The following STK3 variants were observed in gnomAD, a reference collection of about 807,000 sequenced individuals.
STK3 encodes serine/threonine-protein kinase 3.
STK3 carries 41 observed loss-of-function variants against 58.0 expected under a neutral mutation model. The ratio of observed to expected loss-of-function variants is 0.71; its 90% confidence interval spans 0.55 to 0.92. The LOEUF (loss-of-function observed/expected upper bound fraction) is 0.92. STK3 is among the 40% of genes least tolerant of loss of function. STK3 has a pLI of 0.00. For missense variants in STK3, 479 were observed against 602.7 expected, an observed-to-expected ratio of 0.79 and a Z score of 2.15; for synonymous variants, 170 against 191.0, an observed-to-expected ratio of 0.89 and a Z score of 0.91.
chr8:98,903,487 GTTCTTC>G lies in STK3; in HGVS notation c.-78-19659_-78-19654del, dbSNP rs71572029. Among the ~76,000 whole-genome samples the G allele has an allele frequency of 9.4e-3, 1,320 of 139,708 alleles. 21 individuals are homozygous for G. The highest frequency in any genetic ancestry group is 0.015 in the Non-Finnish European group (957 of 64,232). 91.7% of individuals were successfully genotyped at this position (139,708 alleles called of 152,430 possible). Reference sequence around the variant, plus strand: ...TTATATTTCCACTTCAATTTAGGAAGTTCTTCTTCTTCTTCTTCTTCTTCTTCTTCT... The same window carrying G: ...TTATATTTCCACTTCAATTTAGGAAGTTCTTCTTCTTCTTCTTCTTCTTCT... On this transcript the variant is annotated intron_variant, in intron 1 of 1. Coordinates refer to the STK3 transcript ENST00000519420.
intron 2 of STK3, among the ~76,000 whole-genome samples, chr8:98,770,291 G>C (rs537350325): frequency 6.6e-6 from 1 of 152,102 alleles, no homozygotes; most frequent in Non-Finnish European, 1.5e-5. Context: ...AACTCCCATA[G>C]ACACCAGGGA....
chr8:98,829,038 C>T (rs549286415), upstream of STK3, among the ~76,000 whole-genome samples: 36 of 152,304 alleles, frequency 2.4e-4, no homozygotes, highest in Middle Eastern at 6.8e-3. Context: ...ATATGTATGG[C>T]TGACATCAGA....
In STK3 at chr8:98,707,351, C is replaced by T. The variant is rs546037675; in HGVS notation, c.352-40G>A. The T allele has an allele frequency of 4.0e-5, 56 of 1,404,112 alleles. 1 individual carries two copies. The South Asian group carries it at 4.2e-4, about 11-fold the overall frequency. 87.0% of individuals were successfully genotyped at this position (1,404,112 alleles called of 1,614,324 possible). A position where few individuals can be genotyped will look rare whatever the true frequency, so the allele number is the denominator to read the frequency against. ...TTTTAAAACCATAATTAAAATGCCA[C>T]GTTAGATAAAATCTTACGAAAGAGC... On this transcript the variant is annotated intron_variant, in intron 4 of 10. Transcript: ENST00000419617.
intron 3 of STK3, chr8:98,429,970 CA>C (rs1364634582): frequency 1.2e-5 from 2 of 167,402 alleles, no homozygotes; most frequent in Non-Finnish European, 2.9e-5. Context: ...CAGACTTGAC[CA>C]ATGCAAGTCT....
intron 1 of STK3, among the ~76,000 whole-genome samples, chr8:98,386,806 C>A (rs1817796149): frequency 6.6e-6 from 1 of 152,010 alleles, no homozygotes; most frequent in African/African-American, 2.4e-5. Context: ...ATGGTGAAAC[C>A]CCGTCTCTAC....
chr8:98,624,359 G>A (rs533611062), intron 6 of STK3, among the ~76,000 whole-genome samples: 1 of 152,246 alleles, frequency 6.6e-6, no homozygotes, highest in African/African-American at 2.4e-5. Context: ...TTATAATAAT[G>A]ATAGTTACAT....
chr8:98,862,440 G>A lies in STK3; in HGVS notation c.110+21207C>T, dbSNP rs1014375323. On this transcript the variant is annotated intron_variant, in intron 3 of 12. Transcript: ENST00000523601. ...AATCAATGCACAGTATATCCAACAC[G>A]GGAAAACATTTTTTACACTGCCTGA... Among the ~76,000 whole-genome samples, 12 of 152,260 alleles carry A rather than the reference G, an allele frequency of 7.9e-5. 1 individual carries two copies. The highest frequency in any genetic ancestry group is 2.4e-4 in the African/African-American group (10 of 41,550).
At chr8:98,369,763 G>C (rs113783623), downstream of STK3, among the ~76,000 whole-genome samples, 1 of 152,134 alleles carries the variant, frequency 6.6e-6, no homozygotes, top group African/African-American at 2.4e-5. Flanking sequence ...CCAAAATTTT[G>C]TTCAAATGTT....
chr8:98,487,012 T>C (rs557063423), intron 10 of STK3, among the ~76,000 whole-genome samples: 2 of 152,366 alleles, frequency 1.3e-5, no homozygotes, highest in Admixed American at 6.5e-5. Context: ...GATAAAACTA[T>C]GATTGCAAAA....
intron 3 of STK3, among the ~76,000 whole-genome samples, chr8:98,870,884 T>C (rs1406515480): frequency 6.6e-6 from 1 of 152,250 alleles, no homozygotes; most frequent in African/African-American, 2.4e-5. Flanking sequence ...TCGTTGCCAT[T>C]GCTTTTGATG....
intron 1 of STK3, among the ~76,000 whole-genome samples, chr8:98,387,718 G>A (rs937809391): frequency 6.6e-6 from 1 of 152,144 alleles, no homozygotes; most frequent in Admixed American, 6.5e-5. Flanking sequence ...TCCAGCCTGG[G>A]CAACAAGAGC....
chr8:98,372,223 G>T (rs754404774), intron 2 of STK3, among the ~76,000 whole-genome samples: 19 of 152,196 alleles, frequency 1.2e-4, no homozygotes, highest in African/African-American at 4.3e-4. Context: ...CTTCATTTCA[G>T]ACTTTTAGCC....
the STK3 span, among the ~76,000 whole-genome samples, chr8:98,354,890 G>T: frequency 1.3e-5 from 2 of 152,290 alleles, no homozygotes; most frequent in African/African-American, 4.8e-5. Context: ...CGATTCTCCT[G>T]CCTCAGCCTC....
intron 10 of STK3, among the ~76,000 whole-genome samples, chr8:98,523,098 T>A (rs1490092408): frequency 6.6e-6 from 1 of 152,116 alleles, no homozygotes; most frequent in Non-Finnish European, 1.5e-5. Context: ...GCTATGTTAG[T>A]TTTTTTGAGG....
intron 9 of STK3, among the ~76,000 whole-genome samples, chr8:98,547,644 T>C (rs1290156656): frequency 6.6e-6 from 1 of 152,196 alleles, no homozygotes; most frequent in East Asian, 1.9e-4. Context: ...AAGATAATTT[T>C]AGGTTCACTT....
At chr8:98,563,651 T>C (rs892570204) in intron 8 of STK3, among the ~76,000 whole-genome samples, 2 of 152,066 alleles carry the variant, frequency 1.3e-5, no homozygotes, top group East Asian at 1.9e-4. Context: ...GAATATCTTA[T>C]AGTGTCAGAG....
At chr8:98,348,515 C>T in the STK3 span, among the ~76,000 whole-genome samples, 50 of 152,190 alleles carry the variant, frequency 3.3e-4, no homozygotes, top group African/African-American at 6.0e-4. Context: ...TTGCAAAAGA[C>T]GCATTTAATA....
intron 1 of STK3, among the ~76,000 whole-genome samples, chr8:98,440,359 A>G (rs1375667454): frequency 6.6e-6 from 1 of 152,206 alleles, no homozygotes; most frequent in Non-Finnish European, 1.5e-5. Flanking sequence ...TAATTGTGAT[A>G]AAATAGCAGA....
intron 8 of STK3, among the ~76,000 whole-genome samples, chr8:98,578,653 G>A (rs1197915302): frequency 6.6e-6 from 1 of 152,144 alleles, no homozygotes; most frequent in African/African-American, 2.4e-5. Context: ...TACAGAAACT[G>A]TAAGATTTTT....
Sources: gnomAD v4.1 joint callset for allele counts (sites outside exome capture counted in the v4.1 genomes callset) on GRCh38, gnomAD v4.1.1 for gene constraint, MANE v1.5 for transcripts, NCBI Gene and HGNC (gene_info 2026-07-23, HGNC 2026-07-21) for gene names.